Variants in FER1L6 observed in about 807,000 individuals in gnomAD.
FER1L6 encodes the protein fer-1-like protein 6.
In FER1L6, 177 loss-of-function variants were observed where a neutral mutation model predicts 219.2. The ratio of observed to expected loss-of-function variants is 0.81; its 90% CI spans 0.71 to 0.91. FER1L6 has a LOEUF of 0.91. Ranked by LOEUF, FER1L6 falls within the 40% of genes least tolerant of loss-of-function variation. FER1L6 has a pLI of 0.00. For synonymous variants in FER1L6, 768 were observed against 824.3 expected, an observed-to-expected ratio of 0.93 and a Z score of 1.17; for missense variants, 2,153 against 2,259.9, an observed-to-expected ratio of 0.95 and a Z score of 0.96.
chr8:123,942,007 A>G (rs1814261899), intron 1 of FER1L6, among the ~76,000 whole-genome samples: 1 of 152,114 alleles, frequency 6.6e-6, no homozygotes, highest in Admixed American at 6.5e-5. Flanking sequence ...CTCTATCATG[A>G]TGGAAAATTG....
chr8:124,048,539 G>T (rs1586636553), intron 21 of FER1L6, among the ~76,000 whole-genome samples: 1 of 152,012 alleles, frequency 6.6e-6, no homozygotes, highest in Non-Finnish European at 1.5e-5. Context: ...GAAACATATG[G>T]CCTACATACA....
At chr8:124,003,109 G>C (rs1817490488) in intron 12 of FER1L6, 58 bp from the exon 13 acceptor site, 1 of 1,467,214 alleles carries the variant, frequency 6.8e-7, no homozygotes, top group Admixed American at 1.8e-5. Flanking sequence ...TTTATGCCAA[G>C]CAGACTGATT....
intron 8 of FER1L6, 81 bp downstream of exon 8, chr8:123,975,387 T>C: frequency 1.5e-6 from 2 of 1,317,390 alleles, no homozygotes; most frequent in African/African-American, 1.5e-5. Flanking sequence ...CCACTTTTCT[T>C]ATGGGTACAT....
At position 123,967,081 on chromosome 8, in the gene FER1L6, C is replaced by CAA. The variant is rs34800682; in HGVS notation, c.384+810_384+811dup. 4.0e-3 allele frequency among the ~76,000 whole-genome samples: 373 copies of CAA among 92,318 alleles called. 2 individuals carry two copies. The highest frequency in any genetic ancestry group is 0.015 in the African/African-American group (348 of 23,264). 60.6% of individuals were successfully genotyped at this position (92,318 alleles called of 152,430 possible). A position where few individuals can be genotyped will look rare whatever the true frequency, so the allele number is the denominator to read the frequency against. On this transcript the variant is annotated intron_variant, in intron 5 of 40. Transcript: ENST00000522917. ...TGGGTGACAGAGTGAGACTCCACCTCAAAAAAAAAAAAAAAAAAAATTACT... is the reference window on the plus strand; with the variant it reads ...TGGGTGACAGAGTGAGACTCCACCTCAAAAAAAAAAAAAAAAAAAAAATTACT...
At chr8:124,040,054 C>G (rs1481195606) in intron 20 of FER1L6, 48 bp downstream of exon 20, 2 of 1,611,484 alleles carry the variant, frequency 1.2e-6, no homozygotes, top group East Asian at 4.5e-5. Context: ...CAGCCTGCAA[C>G]TGACCCACAG....
chr8:123,876,650 A>G (rs1817009401), intron 1 of FER1L6, among the ~76,000 whole-genome samples: 1 of 152,094 alleles, frequency 6.6e-6, no homozygotes, highest in African/African-American at 2.4e-5. Context: ...GTTCTTCCTT[A>G]ACCACCTTAC....
At chr8:123,894,065 G>C (rs1428996161) in intron 1 of FER1L6, among the ~76,000 whole-genome samples, 2 of 152,078 alleles carry the variant, frequency 1.3e-5, no homozygotes. Context: ...CAATCCAATA[G>C]CTCCATGGAC....
chr8:124,095,051 A>C lies in FER1L6; in HGVS notation c.4695+13A>C. ...AGGAATGGAGCAGGTAGTGGGCAAG[A>C]CTATTCTGGCCCTAAAAGTTAATCT... On this transcript the variant is annotated intron_variant, in intron 35 of 40. Transcript: ENST00000522917. 1 of 1,613,902 alleles carries C rather than the reference A, an allele frequency of 6.2e-7. No homozygotes were observed.
chr8:123,942,332 C>G (rs1470055814), intron 1 of FER1L6, among the ~76,000 whole-genome samples: 2 of 152,208 alleles, frequency 1.3e-5, no homozygotes, highest in African/African-American at 4.8e-5. Flanking sequence ...CAGCACCATA[C>G]CTAAAACACA....
At chr8:124,082,804 G>A (rs142577067) in intron 33 of FER1L6, among the ~76,000 whole-genome samples, 256 of 152,248 alleles carry the variant, frequency 1.7e-3, no homozygotes, top group African/African-American at 5.8e-3. Flanking sequence ...AAATGCCAGC[G>A]TCCAAGCTAA....
At chr8:123,901,315 A>G (rs1217763634) in intron 1 of FER1L6, among the ~76,000 whole-genome samples, 1 of 152,140 alleles carries the variant, frequency 6.6e-6, no homozygotes, top group Admixed American at 6.5e-5. Context: ...GTAGCCTTGA[A>G]TGATCTTTTG....
intron 22 of FER1L6, 31 bp downstream of exon 22, chr8:124,049,787 T>C: frequency 6.2e-7 from 1 of 1,612,476 alleles, no homozygotes; most frequent in Admixed American, 1.7e-5. Context: ...ACGAGATCTA[T>C]TAGGTCTACC....
intron 20 of FER1L6, 126 bp downstream of exon 20, chr8:124,040,132 C>T: frequency 7.7e-7 from 1 of 1,298,290 alleles, no homozygotes; most frequent in Admixed American, 2.0e-5. Context: ...GTAGATGTTT[C>T]AGACTGAAAA....
intron 2 of FER1L6, among the ~76,000 whole-genome samples, chr8:123,961,357 C>T (rs1052914004): frequency 3.3e-5 from 5 of 152,126 alleles, no homozygotes; most frequent in African/African-American, 7.2e-5. Context: ...GTGATGCTTA[C>T]GCACATCACA....
intron 18 of FER1L6, among the ~76,000 whole-genome samples, chr8:124,029,839 C>T (rs1017545282): frequency 9.9e-5 from 15 of 152,178 alleles, no homozygotes; most frequent in Non-Finnish European, 2.9e-5. Context: ...AATATTTGCT[C>T]ATGCCTATGT....
intron 22 of FER1L6, among the ~76,000 whole-genome samples, chr8:124,056,555 T>A (rs1820306911): frequency 6.6e-6 from 1 of 152,248 alleles, no homozygotes; most frequent in South Asian, 2.1e-4. Context: ...TCATTAAGTC[T>A]TCTTATTAGA....
Position 123,955,876 on chromosome 8 carries a change from G to A in FER1L6, c.-7-116G>A. On this transcript the variant is annotated intron_variant, in intron 1 of 40. Transcript: ENST00000522917. ...TACTTGTCTTTTGCCCTCATCCTGG[G>A]TGGATGAGGAGGCTGGTGGGCTTCA... The A allele has an allele frequency of 8.0e-6, 7 of 872,058 alleles. No homozygotes were observed. In the South Asian group the frequency reaches 1.1e-4, roughly 14 times the overall value. 54.0% of individuals were successfully genotyped at this position (872,058 alleles called of 1,614,324 possible). A position where few individuals can be genotyped will look rare whatever the true frequency, so the allele number is the denominator to read the frequency against.
chr8:123,863,580 TGTTAAA>T (rs1299056916), intron 1 of FER1L6, among the ~76,000 whole-genome samples: 2 of 131,718 alleles, frequency 1.5e-5, no homozygotes, highest in Non-Finnish European at 3.2e-5. Context: ...GACAGTGGGG[TGTTAAA>T]GTCTCCCATT....
At position 124,094,878 on chromosome 8, in the gene FER1L6, T is replaced by C; in HGVS notation, c.4553-18T>C. 1 of 1,613,760 alleles carries C rather than the reference T, an allele frequency of 6.2e-7. No individual in the cohort carries two copies. The highest frequency in any genetic ancestry group is 8.5e-7 in the Non-Finnish European group (1 of 1,179,710). On this transcript the variant is annotated intron_variant, in intron 34 of 40. Transcript: ENST00000522917. ...TGCAGGAACACACATCTGACAAGTT[T>C]GTCTTTCTTTCCTGCAGATGAGACA...
Sources: gnomAD v4.1 joint callset for allele counts (sites outside exome capture counted in the v4.1 genomes callset) on GRCh38, gnomAD v4.1.1 for gene constraint, MANE v1.5 for transcripts, NCBI Gene and HGNC (gene_info 2026-07-23, HGNC 2026-07-21) for gene names.